TXNDC16: variants seen among roughly 807,000 people sequenced by gnomAD.
TXNDC16 encodes the protein thioredoxin domain-containing protein 16.
TXNDC16 carries 74 observed loss-of-function variants against 85.6 expected under a neutral mutation model. The ratio of observed to expected loss-of-function variants is 0.86; its 90% CI spans 0.72 to 1.05. The LOEUF (loss-of-function observed/expected upper bound fraction) is 1.05. Among genes scored for constraint, TXNDC16 ranks in the 50% least tolerant of loss-of-function variants. The pLI, the probability that TXNDC16 is intolerant of heterozygous loss-of-function variation, is 0.00. For synonymous variants in TXNDC16, 335 were observed against 326.5 expected (o/e 1.03, Z -0.28); for missense variants, 959 against 947.0 (o/e 1.01, Z -0.17).
chr14:52,464,670 G>A (rs964385185), intron 16 of TXNDC16, among the ~76,000 whole-genome samples: 8 of 152,026 alleles, frequency 5.3e-5, no homozygotes, highest in Admixed American at 4.6e-4. Context: ...GGTGGCTCAC[G>A]CCTATAATCT....
At chr14:52,545,594 C>A (rs2037924867) in intron 1 of TXNDC16, among the ~76,000 whole-genome samples, 1 of 152,108 alleles carries the variant, frequency 6.6e-6, no homozygotes. Flanking sequence ...AATAAGGAAA[C>A]ATGCAGCTAG....
At chr14:52,532,725 C>T (rs913599461) in intron 6 of TXNDC16, among the ~76,000 whole-genome samples, 1 of 151,848 alleles carries the variant, frequency 6.6e-6, no homozygotes, top group Admixed American at 6.6e-5. Flanking sequence ...CGTGAGCCAC[C>T]GCACCCAGCC....
intron 14 of TXNDC16, among the ~76,000 whole-genome samples, chr14:52,474,500 T>C (rs1357365281): frequency 6.6e-6 from 1 of 152,142 alleles, no homozygotes; most frequent in East Asian, 1.9e-4. Flanking sequence ...CCCAGCACTG[T>C]GGGAGGCTGA....
At chr14:52,551,461 T>A (rs1385340069) in intron 1 of TXNDC16, among the ~76,000 whole-genome samples, 1 of 129,072 alleles carries the variant, frequency 7.7e-6, no homozygotes, top group Non-Finnish European at 1.6e-5. Flanking sequence ...AGCGAGACCC[T>A]GCATGAAAAA....
At chr14:52,484,283 T>C (rs2036216856) in intron 12 of TXNDC16, among the ~76,000 whole-genome samples, 1 of 152,122 alleles carries the variant, frequency 6.6e-6, no homozygotes, top group African/African-American at 2.4e-5. Context: ...TGTTCTATTA[T>C]TCTCTCTCCG....
chr14:52,467,751 T>C (rs1486263373), intron 16 of TXNDC16, among the ~76,000 whole-genome samples: 3 of 152,198 alleles, frequency 2.0e-5, no homozygotes, highest in Admixed American at 2.0e-4. Context: ...TCTCAGTATG[T>C]ACTCAAAATA....
intron 9 of TXNDC16, among the ~76,000 whole-genome samples, chr14:52,501,052 CTGT>C (rs2036646852): frequency 1.3e-5 from 2 of 152,134 alleles, no homozygotes; most frequent in African/African-American, 4.8e-5. Context: ...TCTGTGTTCA[CTGT>C]TGGGAACCTT....
chr14:52,498,476 G>C lies in TXNDC16; in HGVS notation c.757-7471C>G, dbSNP rs573201037. Among the ~76,000 whole-genome samples the C allele has an allele frequency of 2.6e-5, 4 of 151,322 alleles. No individual in the cohort carries two copies. In the South Asian group the frequency reaches 8.3e-4, roughly 32 times the overall value. ...GAAAACCATAAGAACCATTTTGCAG[G>C]ATACAAAATCAGCATACAAAAATCA... On this transcript the variant is annotated intron_variant, in intron 9 of 20. Transcript: ENST00000281741.
chr14:52,496,515 C>T (rs936516342), intron 9 of TXNDC16, among the ~76,000 whole-genome samples: 1 of 149,760 alleles, frequency 6.7e-6, no homozygotes, highest in African/African-American at 2.5e-5. Context: ...GTACATATAT[C>T]ATTTTGTGCT....
chr14:52,493,027 A>G (rs2036443598), intron 9 of TXNDC16, among the ~76,000 whole-genome samples: 1 of 152,116 alleles, frequency 6.6e-6, no homozygotes, highest in Non-Finnish European at 1.5e-5. Flanking sequence ...CTATAATCCC[A>G]GCACTTTGGG....
intron 6 of TXNDC16, among the ~76,000 whole-genome samples, chr14:52,522,593 G>GT (rs1203479688): frequency 6.6e-6 from 1 of 152,216 alleles, no homozygotes; most frequent in African/African-American, 2.4e-5. Context: ...AATGACAATT[G>GT]TTAGTCACAG....
chr14:52,473,180 A>G (rs1437372595), intron 14 of TXNDC16, among the ~76,000 whole-genome samples: 1 of 152,116 alleles, frequency 6.6e-6, no homozygotes, highest in Admixed American at 6.5e-5. Flanking sequence ...GCCTTCCTCT[A>G]TAGAGGAAGC....
intron 7 of TXNDC16, 38 bp from the exon 8 acceptor site, chr14:52,515,008 A>C: frequency 1.3e-6 from 2 of 1,511,550 alleles, no homozygotes; most frequent in Non-Finnish European, 1.8e-6. Flanking sequence ...GACAGGAAAA[A>C]ATAGTTTGTG....
intron 18 of TXNDC16, among the ~76,000 whole-genome samples, chr14:52,443,158 T>C (rs1446715011): frequency 2.6e-5 from 4 of 152,154 alleles, no homozygotes; most frequent in African/African-American, 9.7e-5. Flanking sequence ...GGGCACCATC[T>C]AATCAGCTGC....
chr14:52,515,948 A>C (rs60014724), intron 7 of TXNDC16, among the ~76,000 whole-genome samples: 14,637 of 152,004 alleles, frequency 0.096, 806 homozygotes, highest in East Asian at 0.17. Flanking sequence ...CCTTTTTGAG[A>C]AACTTCTTCA....
At chr14:52,435,527 T>A (rs1361098227) in intron 20 of TXNDC16, among the ~76,000 whole-genome samples, 2 of 152,136 alleles carry the variant, frequency 1.3e-5, no homozygotes, top group Non-Finnish European at 2.9e-5. Flanking sequence ...TCCTTCCAGA[T>A]CCACTTAAAC....
chr14:52,482,990 T>C, intron 12 of TXNDC16, 25 bp from the exon 13 acceptor site: 2 of 1,575,044 alleles, frequency 1.3e-6, no homozygotes, highest in Non-Finnish European at 1.7e-6. Flanking sequence ...AAGAAATTAA[T>C]TTAAATATTG....
intron 6 of TXNDC16, among the ~76,000 whole-genome samples, chr14:52,524,627 G>T (rs2037284582): frequency 6.6e-6 from 1 of 152,164 alleles, no homozygotes; most frequent in South Asian, 2.1e-4. Flanking sequence ...GAGTAACTAG[G>T]ACAACAGGCA....
intron 9 of TXNDC16, among the ~76,000 whole-genome samples, chr14:52,510,522 G>C (rs2036929395): frequency 6.6e-6 from 1 of 152,022 alleles, no homozygotes; most frequent in African/African-American, 2.4e-5. Context: ...ATCCATATGA[G>C]TGCAAAGATC....
Sources: gnomAD v4.1 joint callset for allele counts (sites outside exome capture counted in the v4.1 genomes callset) on GRCh38, gnomAD v4.1.1 for gene constraint, MANE v1.5 for transcripts, NCBI Gene and HGNC (gene_info 2026-07-23, HGNC 2026-07-21) for gene names.